PPHLN1: variants seen among roughly 807,000 people sequenced by gnomAD.
The protein encoded by PPHLN1 is periphilin 1.
PPHLN1 carries 29 observed loss-of-function variants against 51.3 expected under a neutral mutation model. That is an observed-to-expected ratio of 0.57 (90% CI 0.42 to 0.77). The LOEUF (loss-of-function observed/expected upper bound fraction) is 0.77, where lower values mean the gene tolerates loss of function less well. Among genes scored for constraint, PPHLN1 ranks in the 30% least tolerant of loss-of-function variants. The pLI is 0.00. For missense variants in PPHLN1, 436 were observed against 438.4 expected, an observed-to-expected ratio of 0.99 and a Z score of 0.05; for synonymous variants, 147 against 147.8, an observed-to-expected ratio of 0.99 and a Z score of 0.04.
intron 9 of PPHLN1, among the ~76,000 whole-genome samples, chr12:42,408,807 G>T (rs893016951): frequency 1.3e-5 from 2 of 152,128 alleles, no homozygotes; most frequent in African/African-American, 4.8e-5. Flanking sequence ...AAATAAGGCA[G>T]AAATTTCAGT....
At chr12:42,403,379 G>C (rs2079007548) in intron 9 of PPHLN1, among the ~76,000 whole-genome samples, 1 of 152,124 alleles carries the variant, frequency 6.6e-6, no homozygotes, top group Non-Finnish European at 1.5e-5. Context: ...GAAAAGAGAT[G>C]ATTTATTTTG....
intron 9 of PPHLN1, among the ~76,000 whole-genome samples, chr12:42,418,923 T>A (rs1402143012): frequency 1.3e-5 from 2 of 152,220 alleles, no homozygotes; most frequent in Admixed American, 6.5e-5. Context: ...GCTTTCTAAG[T>A]ATTAAGTGCT....
chr12:42,444,928 C>G (rs193025565), downstream of PPHLN1: 3 of 618,732 alleles, frequency 4.8e-6, no homozygotes, highest in Admixed American at 2.8e-5. Context: ...CTCACTCCAT[C>G]GAGATTTACT....
intron 5 of PPHLN1, among the ~76,000 whole-genome samples, chr12:42,384,395 G>A (rs11181474): frequency 0.17 from 26,124 of 152,064 alleles, 2,344 homozygotes; most frequent in African/African-American, 0.21. Flanking sequence ...TTCCATCCAT[G>A]TCATTAAGAG....
intron 9 of PPHLN1, among the ~76,000 whole-genome samples, chr12:42,414,106 G>A (rs560302343): frequency 1.3e-5 from 2 of 151,772 alleles, no homozygotes; most frequent in East Asian, 1.9e-4. Flanking sequence ...GCACCATCTC[G>A]GCTCACTGCA....
intron 7 of PPHLN1, among the ~76,000 whole-genome samples, chr12:42,390,151 C>T (rs534096896): frequency 2.0e-5 from 3 of 152,192 alleles, no homozygotes; most frequent in East Asian, 1.9e-4. Context: ...TATCACCTAG[C>T]GGTATATACT....
intron 4 of PPHLN1, among the ~76,000 whole-genome samples, chr12:42,357,887 A>G (rs1359995714): frequency 6.6e-6 from 1 of 151,930 alleles, no homozygotes; most frequent in Non-Finnish European, 1.5e-5. Flanking sequence ...CTCACCTCCC[A>G]CCCTTCCAAA....
At chr12:42,412,733 T>C (rs1427648520) in intron 9 of PPHLN1, among the ~76,000 whole-genome samples, 1 of 152,238 alleles carries the variant, frequency 6.6e-6, no homozygotes, top group East Asian at 1.9e-4. Flanking sequence ...GTAATTTACA[T>C]TCCCACCAGC....
At chr12:42,390,283 G>A (rs2077574150) in intron 7 of PPHLN1, among the ~76,000 whole-genome samples, 1 of 152,146 alleles carries the variant, frequency 6.6e-6, no homozygotes, top group Admixed American at 6.5e-5. Context: ...ATTTTGAATA[G>A]CAAAGACCAA....
intron 9 of PPHLN1, among the ~76,000 whole-genome samples, chr12:42,424,621 C>T (rs2081269080): frequency 6.6e-6 from 1 of 152,130 alleles, no homozygotes; most frequent in African/African-American, 2.4e-5. Context: ...AGCAGCTAAA[C>T]AGAAACTGCC....
chr12:42,439,082 G>T (rs1012873851), intron 9 of PPHLN1, among the ~76,000 whole-genome samples: 1 of 152,068 alleles, frequency 6.6e-6, no homozygotes, highest in African/African-American at 2.4e-5. Flanking sequence ...TTCTTGGATT[G>T]TCTTTGATGT....
intron 8 of PPHLN1, among the ~76,000 whole-genome samples, chr12:42,394,999 A>AT (rs1052205194): frequency 2.6e-5 from 4 of 152,114 alleles, no homozygotes; most frequent in Admixed American, 1.3e-4. Context: ...ATGAACATTA[A>AT]TAGTATATTT....
At chr12:42,367,088 G>C (rs1459253426) in intron 4 of PPHLN1, among the ~76,000 whole-genome samples, 2 of 152,024 alleles carry the variant, frequency 1.3e-5, no homozygotes. Context: ...ATTAACTGTT[G>C]AACATAGTTT....
intron 8 of PPHLN1, among the ~76,000 whole-genome samples, chr12:42,396,675 A>G (rs1243175256): frequency 7.0e-6 from 1 of 142,498 alleles, no homozygotes; most frequent in Non-Finnish European, 1.5e-5. Context: ...GCTTAGTCCC[A>G]GCTACTCAGG....
chr12:42,355,161 G>C lies in PPHLN1; in HGVS notation c.238G>C (p.Asp80His), dbSNP rs200326481. 2 of 1,613,360 alleles carry C rather than the reference G, an allele frequency of 1.2e-6. No homozygotes were observed. The highest frequency in any genetic ancestry group is 1.7e-6 in the Non-Finnish European group (2 of 1,179,624). The change falls in exon 4 of 10, where the codon GAT becomes CAT. Residue 80 changes from aspartate to histidine, a missense_variant and splice_region_variant. By Grantham distance (81) the Asp-to-His change is moderately conservative. Transcript: ENST00000358314. The part of the protein sequence containing the change: ...DRRSGPPHRG[D>H]ESGYRWTRDD... ...GCTAAGTAGCTTTTTTATGTTACAG[G>C]ATGAATCTGGTTATAGATGGACAAG...
At position 42,391,701 on chromosome 12, in the gene PPHLN1, AACCTTCTATT is replaced by A. The variant is rs549824144; in HGVS notation, c.649-1866_649-1857del. On this transcript the variant is annotated intron_variant, in intron 7 of 9. Coordinates refer to ENST00000358314, the MANE Select transcript of PPHLN1 (RefSeq NM_201439.2). ...TCTTCTTCTAACTAGCTTTTAAAAA[AACCTTCTATT>A]ACTGAGTAATAATAAAAGTATTACT... is the stretch of plus-strand genomic sequence containing the variant. Among the ~76,000 whole-genome samples the A allele has an allele frequency of 7.4e-3, 1,128 of 152,312 alleles. 14 individuals are homozygous for A. Among genetic ancestry groups the A allele is most frequent in the African/African-American group, 0.026 (1,069 of 41,556 alleles).
chr12:42,367,418 TTTC>T (rs1483390736), intron 4 of PPHLN1, among the ~76,000 whole-genome samples: 1 of 151,890 alleles, frequency 6.6e-6, no homozygotes, highest in African/African-American at 2.4e-5. Flanking sequence ...AAAGTCTTAG[TTTC>T]TTTTTTTTTT....
intron 9 of PPHLN1, among the ~76,000 whole-genome samples, chr12:42,434,186 A>C (rs2082285010): frequency 6.6e-6 from 1 of 152,208 alleles, no homozygotes; most frequent in African/African-American, 2.4e-5. Flanking sequence ...ATAGGAACAC[A>C]AAACCAAATA....
intron 1 of PPHLN1, chr12:42,331,976 G>C (rs1487638218): frequency 6.6e-6 from 1 of 152,188 alleles, no homozygotes; most frequent in Non-Finnish European, 1.5e-5. Flanking sequence ...GTACTTATCA[G>C]CTATTTTTAA....
Sources: allele counts gnomAD v4.1 joint callset (sites outside exome capture counted in the v4.1 genomes callset), GRCh38; gene constraint gnomAD v4.1.1; transcripts MANE v1.5; gene names NCBI Gene and HGNC (gene_info 2026-07-23, HGNC 2026-07-21).